HERC3: variants seen among roughly 807,000 people sequenced by gnomAD.
The protein encoded by HERC3 is probable E3 ubiquitin-protein ligase HERC3.
In HERC3, 58 loss-of-function variants were observed where a neutral mutation model predicts 129.9. The observed-to-expected ratio is 0.45, with a 90% confidence interval of 0.36 to 0.56. The LOEUF (loss-of-function observed/expected upper bound fraction) is 0.56. HERC3 is among the 20% of genes least tolerant of loss of function. The pLI is 0.00. For missense variants in HERC3, 835 were observed against 1,244.2 expected (o/e 0.67, Z 4.95); for synonymous variants, 430 against 451.0 (o/e 0.95, Z 0.59).
intron 2 of HERC3, among the ~76,000 whole-genome samples, chr4:88,600,607 C>G (rs1338813486): frequency 6.6e-6 from 1 of 152,208 alleles, no homozygotes; most frequent in Non-Finnish European, 1.5e-5. Context: ...GGGTTGTCAT[C>G]TCATGAATCC....
intron 9 of HERC3, chr4:88,656,238 CT>C: frequency 1.7e-6 from 1 of 586,596 alleles, no homozygotes; most frequent in Non-Finnish European, 3.0e-6. Flanking sequence ...GCAGGAAATA[CT>C]GTTGTGTTAG....
At chr4:88,621,782 T>C (rs1292472131) in intron 3 of HERC3, among the ~76,000 whole-genome samples, 2 of 152,236 alleles carry the variant, frequency 1.3e-5, no homozygotes, top group Non-Finnish European at 2.9e-5. Context: ...TGTTGAATAT[T>C]GACATCCTAC....
chr4:88,536,783 A>G, the HERC3 span, among the ~76,000 whole-genome samples: 27 of 152,068 alleles, frequency 1.8e-4, no homozygotes, highest in Admixed American at 9.8e-4. Flanking sequence ...CAATTTAGAG[A>G]AATTCAAAAC....
In HERC3 at chr4:88,680,082, A is replaced by G. The variant is rs781233044; in HGVS notation, c.2197-11A>G. ...TTCCCGGAAGCATTAATTCTATTCTATTATTTTAAGGTAATCTTTGATGGT... is the reference window on the plus strand; with the variant it reads ...TTCCCGGAAGCATTAATTCTATTCTGTTATTTTAAGGTAATCTTTGATGGT... On this transcript the variant is annotated splice_polypyrimidine_tract_variant and intron_variant, in intron 19 of 25. Transcript: ENST00000402738. 3.1e-6 allele frequency: 5 copies of G among 1,602,738 alleles called. No homozygotes were observed. Among genetic ancestry groups the G allele is most frequent in the African/African-American group, 2.7e-5 (2 of 74,162 alleles).
chr4:88,684,868 G>C (rs1310598021), intron 21 of HERC3: 1 of 152,298 alleles, frequency 6.6e-6, no homozygotes, highest in Admixed American at 6.6e-5. Context: ...AACGCTTCAC[G>C]AATTTGCGTG....
chr4:88,538,201 C>T, the HERC3 span, among the ~76,000 whole-genome samples: 11 of 152,146 alleles, frequency 7.2e-5, no homozygotes, highest in Admixed American at 2.0e-4. Flanking sequence ...GGTTTTGCAT[C>T]GCAGTAAAGG....
chr4:88,678,721 C>T (rs1732429320), intron 19 of HERC3, among the ~76,000 whole-genome samples: 1 of 152,230 alleles, frequency 6.6e-6, no homozygotes, highest in African/African-American at 2.4e-5. Flanking sequence ...TCTTTTCCCT[C>T]AGACAACTTC....
chr4:88,622,230 A>G (rs1456697323), intron 3 of HERC3, among the ~76,000 whole-genome samples: 2 of 152,226 alleles, frequency 1.3e-5, no homozygotes, highest in Non-Finnish European at 2.9e-5. Context: ...TGTAAATGAG[A>G]TGATACGATA....
Position 88,613,353 on chromosome 4 carries a change from G to A in HERC3, c.226+7304G>A, listed in dbSNP as rs77330956. 6.7e-3 allele frequency among the ~76,000 whole-genome samples: 1,027 copies of A among 152,248 alleles called. 12 individuals carry two copies. The highest frequency in any genetic ancestry group is 0.024 in the African/African-American group (977 of 41,550). Reference sequence around the variant, plus strand: ...TTTCTCCTGAGTTAGTTTCCCTCTTGCAGGTAATTTAATCCAATTCACATT... The same window carrying A: ...TTTCTCCTGAGTTAGTTTCCCTCTTACAGGTAATTTAATCCAATTCACATT... On this transcript the variant is annotated intron_variant, in intron 3 of 25. Transcript: ENST00000402738.
chr4:88,658,700 T>A lies in HERC3; in HGVS notation c.1146+209T>A, dbSNP rs78119979. ...AACAATTCTCCTGGAATTATGGAGT[T>A]CTAATTTATAATTTGAAATTATTTA... On this transcript the variant is annotated intron_variant, in intron 10 of 25. Coordinates refer to ENST00000402738, the MANE Select transcript of HERC3 (RefSeq NM_014606.3). Among the ~76,000 whole-genome samples the A allele has an allele frequency of 6.8e-3, 1,033 of 152,324 alleles. 12 individuals carry two copies. The highest frequency in any genetic ancestry group is 0.024 in the African/African-American group (983 of 41,556).
intron 21 of HERC3, among the ~76,000 whole-genome samples, chr4:88,682,893 G>A (rs899689590): frequency 3.0e-4 from 46 of 152,154 alleles, no homozygotes; most frequent in African/African-American, 1.0e-3. Flanking sequence ...CTGAGGAATC[G>A]CCACACTGAC....
At chr4:88,697,109 C>CA (rs1215787557) in intron 23 of HERC3, 2 of 1,259,638 alleles carry the variant, frequency 1.6e-6, no homozygotes, top group East Asian at 5.1e-5. Context: ...GTATTTTGGT[C>CA]AAAAACCTGA....
chr4:88,646,673 C>T (rs1426897757), intron 3 of HERC3, among the ~76,000 whole-genome samples: 3 of 152,042 alleles, frequency 2.0e-5, no homozygotes, highest in African/African-American at 7.2e-5. Context: ...TGAATGTTCC[C>T]AAGTGGGGCA....
chr4:88,652,329 G>A (rs9995890), intron 5 of HERC3, among the ~76,000 whole-genome samples: 3,303 of 152,212 alleles, frequency 0.022, 64 homozygotes, highest in South Asian at 0.044. Context: ...GATAAGCAGG[G>A]GGCAGGACCA....
chr4:88,707,056 G>A lies in HERC3; in HGVS notation c.*96G>A. ...GGGGAGTGATTTCTATTTTTTTATT[G>A]TCTAAGTGGGTTGGGACTTTTAAAT... is the stretch of plus-strand genomic sequence containing the variant. On this transcript the variant is annotated 3_prime_UTR_variant, in exon 26 of 26. Transcript: ENST00000402738. The A allele has an allele frequency of 1.1e-6, 1 of 952,040 alleles. No individual in the cohort carries two copies. The highest frequency in any genetic ancestry group is 1.6e-5 in the South Asian group (1 of 64,234). The allele number at this position is 952,040 out of a possible 1,614,324, so 59.0% of individuals were successfully genotyped here.
chr4:88,699,688 T>TA (rs923022155), intron 23 of HERC3, among the ~76,000 whole-genome samples: 331 of 149,942 alleles, frequency 2.2e-3, no homozygotes, highest in African/African-American at 7.4e-3. Context: ...TGACAGACTT[T>TA]AAAAAAAAAA....
At chr4:88,573,304 A>T in the HERC3 span, among the ~76,000 whole-genome samples, 1 of 152,226 alleles carries the variant, frequency 6.6e-6, no homozygotes, top group African/African-American at 2.4e-5. Context: ...CATAAAGCTC[A>T]TCAGGTTTAG....
At chr4:88,697,473 T>C in intron 23 of HERC3, 2 of 1,614,192 alleles carry the variant, frequency 1.2e-6, no homozygotes, top group Non-Finnish European at 8.5e-7. Context: ...ATTTGGCTTC[T>C]ATCTTATCGC....
chr4:88,685,947 A>G (rs1733400325), intron 21 of HERC3, among the ~76,000 whole-genome samples: 1 of 152,212 alleles, frequency 6.6e-6, no homozygotes, highest in South Asian at 2.1e-4. Context: ...GAAGGTGAAC[A>G]ACTATGACAG....
Sources: allele counts gnomAD v4.1 joint callset (sites outside exome capture counted in the v4.1 genomes callset), GRCh38; gene constraint gnomAD v4.1.1; transcripts MANE v1.5; gene names NCBI Gene and HGNC (gene_info 2026-07-23, HGNC 2026-07-21).